CD226: variants seen among roughly 807,000 people sequenced by gnomAD.
The protein encoded by CD226 is CD226 molecule, also known as CD226 antigen.
Under a neutral mutation model 34.9 loss-of-function variants are expected in CD226, and 24 were observed. That is an observed-to-expected ratio of 0.69 (90% CI 0.50 to 0.97). The LOEUF (loss-of-function observed/expected upper bound fraction) is 0.97, where lower values mean the gene tolerates loss of function less well. CD226 is among the 50% of genes least tolerant of loss of function. The probability of loss-of-function intolerance (pLI) is 0.00; values close to 1 mark genes in which losing one functional copy is unlikely to be tolerated. For missense variants in CD226, 397 were observed against 412.7 expected (o/e 0.96, Z 0.33); for synonymous variants, 148 against 147.4 (o/e 1.00, Z -0.03).
At chr18:69,901,470 T>C (rs2055181675) in intron 2 of CD226, among the ~76,000 whole-genome samples, 1 of 152,098 alleles carries the variant, frequency 6.6e-6, no homozygotes, top group African/African-American at 2.4e-5. Flanking sequence ...TAGAGAACAA[T>C]AACACTGACC....
chr18:69,908,164 G>T (rs895907400), intron 2 of CD226, among the ~76,000 whole-genome samples: 1 of 152,112 alleles, frequency 6.6e-6, no homozygotes, highest in African/African-American at 2.4e-5. Context: ...TGTGTAATTG[G>T]ATATAACAAA....
In CD226 at chr18:69,921,341, C is replaced by T. The variant is rs529087159; in HGVS notation, c.383-25296G>A. On this transcript the variant is annotated intron_variant, in intron 2 of 5. Transcript: ENST00000582621. ...TGTTCTGTCTGCTGAGATCCTCAAA[C>T]CCTGAAGGCCTCCTCGCATGGGATC... Among the ~76,000 whole-genome samples, 3 of 152,270 alleles carry T rather than the reference C, an allele frequency of 2.0e-5. No individual in the cohort carries two copies. In the South Asian group the frequency reaches 6.2e-4, roughly 32 times the overall value.
At chr18:69,896,589 CATAAGTGTTACT>C (rs554605427) in intron 2 of CD226, among the ~76,000 whole-genome samples, 1,697 of 152,196 alleles carry the variant, frequency 0.011, 15 homozygotes, top group Middle Eastern at 0.027. Context: ...CACATAGTTC[CATAAGTGTTACT>C]TGGTTAACCA....
At chr18:69,955,862 C>CAAAAAAA (rs10659184) in intron 1 of CD226, among the ~76,000 whole-genome samples, 3 of 83,242 alleles carry the variant, frequency 3.6e-5, no homozygotes, top group African/African-American at 9.2e-5. Flanking sequence ...GACTCCATCT[C>CAAAAAAA]AAAAAAAAAA....
chr18:69,867,912 T>A (rs567426839), intron 4 of CD226, among the ~76,000 whole-genome samples: 2 of 152,326 alleles, frequency 1.3e-5, no homozygotes, highest in East Asian at 1.9e-4. Flanking sequence ...TATAAACAGG[T>A]TTAGAAACTA....
At position 69,877,557 on chromosome 18, in the gene CD226, G is replaced by A. The variant is rs553577000; in HGVS notation, c.728-4311C>T. ...CCTGTCCAGACTTTAGATATGGGGT[G>A]GGATCCTCTCTGGAATGAGGGTCTT... On this transcript the variant is annotated intron_variant, in intron 3 of 5. Coordinates refer to ENST00000582621, the MANE Select transcript of CD226 (RefSeq NM_001303618.2). Among the ~76,000 whole-genome samples, 14 of 152,274 alleles carry A rather than the reference G, an allele frequency of 9.2e-5. No homozygotes were observed. In the South Asian group the frequency reaches 2.5e-3, roughly 27 times the overall value.
At chr18:69,887,908 T>C (rs1984655485) in intron 3 of CD226, among the ~76,000 whole-genome samples, 2 of 152,248 alleles carry the variant, frequency 1.3e-5, no homozygotes, top group African/African-American at 2.4e-5. Context: ...CCCTGAATCA[T>C]TTTAGTATAA....
chr18:69,878,991 G>A (rs552527464), intron 3 of CD226, among the ~76,000 whole-genome samples: 3 of 152,112 alleles, frequency 2.0e-5, no homozygotes, highest in East Asian at 1.9e-4. Flanking sequence ...ATCACATGTT[G>A]GCAGGTTCCG....
upstream of CD226, among the ~76,000 whole-genome samples, chr18:69,949,644 C>A (rs191586204): frequency 1.2e-4 from 19 of 152,180 alleles, no homozygotes; most frequent in African/African-American, 4.6e-4. Context: ...AATGCATGAA[C>A]CCACACATGC....
intron 2 of CD226, among the ~76,000 whole-genome samples, chr18:69,932,731 T>C (rs1430266315): frequency 6.6e-6 from 1 of 152,160 alleles, no homozygotes; most frequent in Non-Finnish European, 1.5e-5. Context: ...TGTCTTCTGA[T>C]CTCTGAAGTT....
Position 69,889,685 on chromosome 18 carries a change from C to G in CD226, c.727+6016G>C, listed in dbSNP as rs138227044. 8.3e-3 allele frequency among the ~76,000 whole-genome samples: 1,266 copies of G among 152,262 alleles called. 7 individuals carry two copies. The highest frequency in any genetic ancestry group is 0.012 in the Non-Finnish European group (816 of 68,008). Reference sequence around the variant, plus strand: ...TCAGTAACCTCCCACAAGCCATCTACAGGCAAGATTTATAATCTGTATAAA... The same window carrying G: ...TCAGTAACCTCCCACAAGCCATCTAGAGGCAAGATTTATAATCTGTATAAA... On this transcript the variant is annotated intron_variant, in intron 3 of 5. Transcript: ENST00000582621.
chr18:69,877,862 CA>C (rs1599383779), intron 3 of CD226, among the ~76,000 whole-genome samples: 2 of 152,260 alleles, frequency 1.3e-5, no homozygotes, highest in African/African-American at 4.8e-5. Flanking sequence ...TGAAATAAAG[CA>C]TGGAGTCAGG....
At chr18:69,891,871 A>G (rs1984924793) in intron 3 of CD226, among the ~76,000 whole-genome samples, 1 of 152,232 alleles carries the variant, frequency 6.6e-6, no homozygotes, top group African/African-American at 2.4e-5. Context: ...AACTAATGGT[A>G]GCTTTGCTTG....
At chr18:69,900,540 G>A (rs1023163531) in intron 2 of CD226, among the ~76,000 whole-genome samples, 12 of 151,618 alleles carry the variant, frequency 7.9e-5, no homozygotes, top group Non-Finnish European at 1.6e-4. Flanking sequence ...AGACCATCCT[G>A]GCTAACAAGG....
At chr18:69,907,819 G>T (rs2055275139) in intron 2 of CD226, among the ~76,000 whole-genome samples, 2 of 151,970 alleles carry the variant, frequency 1.3e-5, no homozygotes, top group African/African-American at 4.8e-5. Flanking sequence ...AGAGAGTATT[G>T]CCCATTTCAA....
chr18:69,953,958 C>A (rs2055875393), intron 1 of CD226, among the ~76,000 whole-genome samples: 4 of 151,310 alleles, frequency 2.6e-5, no homozygotes, highest in Admixed American at 2.6e-4. Flanking sequence ...TGAGATTGTG[C>A]CACTGCACTC....
intron 2 of CD226, among the ~76,000 whole-genome samples, chr18:69,929,937 G>T (rs1282746515): frequency 6.6e-6 from 1 of 152,040 alleles, no homozygotes; most frequent in Non-Finnish European, 1.5e-5. Flanking sequence ...CTCATTCCCA[G>T]AAATATGGAA....
At chr18:69,867,111 T>C (rs145806892) in intron 5 of CD226, among the ~76,000 whole-genome samples, 76 of 152,314 alleles carry the variant, frequency 5.0e-4, no homozygotes, top group African/African-American at 1.7e-3. Flanking sequence ...ATAGTGTTGA[T>C]TGTTATTACG....
chr18:69,874,666 T>G lies in CD226; in HGVS notation c.728-1420A>C, dbSNP rs1983752864. Among the ~76,000 whole-genome samples the G allele has an allele frequency of 2.0e-5, 3 of 152,332 alleles. No individual in the cohort carries two copies. The South Asian group carries it at 6.2e-4, about 32-fold the overall frequency. ...TTTTCCTCAGAAAATTTCTTCTCAC[T>G]TTATCCACTATGTAGCTGCATTTTT... On this transcript the variant is annotated intron_variant, in intron 3 of 5. Coordinates refer to ENST00000582621, the MANE Select transcript of CD226 (RefSeq NM_001303618.2).
Sources: allele counts gnomAD v4.1 joint callset (sites outside exome capture counted in the v4.1 genomes callset), GRCh38; gene constraint gnomAD v4.1.1; transcripts MANE v1.5; gene names NCBI Gene and HGNC (gene_info 2026-07-23, HGNC 2026-07-21).